The following EXOSC7 variants were observed in gnomAD, a reference collection of about 807,000 sequenced individuals.
EXOSC7 encodes the protein exosome component 7, also known as exosome complex component RRP42.
Under a neutral mutation model 34.3 loss-of-function variants are expected in EXOSC7, and 25 were observed. The ratio of observed to expected loss-of-function variants is 0.73; its 90% CI spans 0.53 to 1.02. The LOEUF is 1.02. Among genes scored for constraint, EXOSC7 ranks in the 50% least tolerant of loss-of-function variants. The pLI, the probability that EXOSC7 is intolerant of heterozygous loss-of-function variation, is 0.00. For missense variants in EXOSC7, 370 were observed against 368.5 expected (o/e 1.00, Z -0.03); for synonymous variants, 130 against 143.0 (o/e 0.91, Z 0.65).
chr3:45,003,085 C>G (rs1015537206), intron 5 of EXOSC7, among the ~76,000 whole-genome samples: 4 of 152,142 alleles, frequency 2.6e-5, no homozygotes, highest in Non-Finnish European at 4.4e-5. Context: ...GAAAGGTTAA[C>G]CCAGCTGCTC....
chr3:44,980,745 C>T (rs1010912035), intron 1 of EXOSC7, among the ~76,000 whole-genome samples: 1 of 152,194 alleles, frequency 6.6e-6, no homozygotes, highest in African/African-American at 2.4e-5. Flanking sequence ...CTCCCACTCC[C>T]CAGTTTTTCT....
intron 6 of EXOSC7, among the ~76,000 whole-genome samples, chr3:45,006,115 A>G (rs1211088481): frequency 8.5e-6 from 1 of 117,696 alleles, no homozygotes; most frequent in Non-Finnish European, 1.6e-5. Flanking sequence ...TCTTGCTGCA[A>G]CGCCCAGGCT....
intron 1 of EXOSC7, among the ~76,000 whole-genome samples, chr3:44,986,886 T>A (rs1384614312): frequency 1.3e-5 from 2 of 152,232 alleles, no homozygotes; most frequent in Non-Finnish European, 2.9e-5. Flanking sequence ...CCAGGCAGTT[T>A]AAAGATAAAC....
intron 3 of EXOSC7, among the ~76,000 whole-genome samples, chr3:44,994,625 A>G (rs1468199210): frequency 1.3e-5 from 2 of 152,248 alleles, no homozygotes; most frequent in East Asian, 3.9e-4. Context: ...TCATTTCTCT[A>G]TTCCAGCCTT....
chr3:44,994,905 G>GTGTGTGTGTGTT (rs1706678880), intron 3 of EXOSC7, among the ~76,000 whole-genome samples: 2 of 120,184 alleles, frequency 1.7e-5, no homozygotes, highest in Admixed American at 8.5e-5. Context: ...GTGTGTGTGT[G>GTGTGTGTGTGTT]TTTTAAGCCA....
intron 3 of EXOSC7, among the ~76,000 whole-genome samples, chr3:44,996,189 A>C (rs1212749862): frequency 6.6e-6 from 1 of 152,216 alleles, no homozygotes; most frequent in Non-Finnish European, 1.5e-5. Flanking sequence ...TATAGAGTCC[A>C]TGCTGAAACC....
chr3:45,000,562 A>C (rs1706846916), intron 4 of EXOSC7, among the ~76,000 whole-genome samples: 1 of 152,270 alleles, frequency 6.6e-6, no homozygotes, highest in African/African-American at 2.4e-5. Flanking sequence ...CTAGATGAGC[A>C]TACGTAAGTG....
chr3:45,010,360 A>AT (rs1331466480), intron 7 of EXOSC7, among the ~76,000 whole-genome samples: 1 of 152,104 alleles, frequency 6.6e-6, no homozygotes, highest in African/African-American at 2.4e-5. Context: ...CAATCCTCCC[A>AT]TCTCAGCCCC....
At chr3:45,006,035 C>G (rs1355357886) in intron 6 of EXOSC7, among the ~76,000 whole-genome samples, 1 of 140,736 alleles carries the variant, frequency 7.1e-6, no homozygotes, top group African/African-American at 2.6e-5. Flanking sequence ...GTGAAGTGTT[C>G]AGACAACAGG....
chr3:45,005,144 G>T (rs997861696), intron 5 of EXOSC7, 147 bp from the exon 6 acceptor site: 1 of 874,250 alleles, frequency 1.1e-6, no homozygotes, highest in Non-Finnish European at 1.8e-6. Flanking sequence ...GCTTTTGACA[G>T]GGATGACAGG....
chr3:44,983,029 C>G (rs1208835461), intron 1 of EXOSC7, among the ~76,000 whole-genome samples: 1 of 152,148 alleles, frequency 6.6e-6, no homozygotes, highest in African/African-American at 2.4e-5. Context: ...GAGTATTAGA[C>G]AAGTCAAAGC....
intron 3 of EXOSC7, among the ~76,000 whole-genome samples, chr3:44,994,708 C>A (rs554409224): frequency 1.3e-5 from 2 of 152,250 alleles, no homozygotes; most frequent in South Asian, 4.1e-4. Context: ...CCCCATCCCC[C>A]ACCCTGAACA....
chr3:44,979,131 T>C (rs1204642882), intron 1 of EXOSC7, among the ~76,000 whole-genome samples: 1 of 152,180 alleles, frequency 6.6e-6, no homozygotes, highest in Non-Finnish European at 1.5e-5. Context: ...GCCCAAAATA[T>C]GCCATATGTA....
At chr3:44,996,804 A>T (rs1438043398) in intron 3 of EXOSC7, among the ~76,000 whole-genome samples, 1 of 152,200 alleles carries the variant, frequency 6.6e-6, no homozygotes, top group African/African-American at 2.4e-5. Context: ...TCACATTACC[A>T]TCACTCTCCT....
At chr3:44,983,344 G>T (rs1706323858) in intron 1 of EXOSC7, among the ~76,000 whole-genome samples, 1 of 152,166 alleles carries the variant, frequency 6.6e-6, no homozygotes, top group Non-Finnish European at 1.5e-5. Context: ...GGACTCCTAT[G>T]TGTTACACTG....
At chr3:44,994,859 GTGT>G (rs1706675060) in intron 3 of EXOSC7, among the ~76,000 whole-genome samples, 9 of 7,478 alleles carry the variant, frequency 1.2e-3, no homozygotes, top group Admixed American at 2.8e-3. Context: ...AAGAATGGGT[GTGT>G]GTGTGTGTGT....
chr3:44,987,447 C>T (rs543837444), intron 1 of EXOSC7, among the ~76,000 whole-genome samples: 19 of 152,350 alleles, frequency 1.2e-4, no homozygotes, highest in African/African-American at 4.6e-4. Flanking sequence ...GGTGATGTGC[C>T]TGTAATTCCA....
intron 5 of EXOSC7, 52 bp downstream of exon 5, chr3:45,001,660 A>G (rs374332100): frequency 9.3e-6 from 12 of 1,289,454 alleles, no homozygotes; most frequent in Non-Finnish European, 1.4e-5. Flanking sequence ...CAGAGCAGAC[A>G]CTTGTAATGG....
chr3:44,989,049 A>C, intron 1 of EXOSC7, 91 bp from the exon 2 acceptor site: 1 of 800,188 alleles, frequency 1.2e-6, no homozygotes, highest in East Asian at 2.5e-5. Context: ...GATATTCTGC[A>C]TATATCTTCT....
Sources: allele counts gnomAD v4.1 joint callset (sites outside exome capture counted in the v4.1 genomes callset), GRCh38; gene constraint gnomAD v4.1.1; transcripts MANE v1.5; gene names NCBI Gene and HGNC (gene_info 2026-07-23, HGNC 2026-07-21).